PLG: variants seen among roughly 807,000 people sequenced by gnomAD.
PLG encodes the protein plasminogen, also known as plasmin.
In PLG, 41 loss-of-function variants were observed where a neutral mutation model predicts 104.4. That is an observed-to-expected ratio of 0.39 (90% confidence interval 0.31 to 0.51). The LOEUF is 0.51. Among genes scored for constraint, PLG ranks in the 20% least tolerant of loss-of-function variants. PLG has a pLI of 0.76. For missense variants in PLG, 891 were observed against 1,003.6 expected, an observed-to-expected ratio of 0.89 and a Z score of 1.52; for synonymous variants, 337 against 357.1, an observed-to-expected ratio of 0.94 and a Z score of 0.63.
At chr6:160,714,591 T>G (rs1777699582) in intron 5 of PLG, among the ~76,000 whole-genome samples, 1 of 152,218 alleles carries the variant, frequency 6.6e-6, no homozygotes, top group Non-Finnish European at 1.5e-5. Flanking sequence ...TGTTACGGTT[T>G]AAAAGGAAAA....
chr6:160,710,113 T>A (rs1582932620), intron 3 of PLG, among the ~76,000 whole-genome samples: 1 of 152,226 alleles, frequency 6.6e-6, no homozygotes, highest in African/African-American at 2.4e-5. Context: ...TTAATCAATC[T>A]GAATGTGTAA....
At position 160,731,004 on chromosome 6, in the gene PLG, GA is replaced by G; in HGVS notation, c.1257-45del. ...AATGTAGAGGGTGCTGGGTGCCCCT[GA>G]ATATTCTCCCACCTCTTGTGACCTG... On this transcript the variant is annotated intron_variant, in intron 10 of 18. Coordinates refer to ENST00000308192, the MANE Select transcript of PLG (RefSeq NM_000301.5). This position sits in a 1 kb window ranked among gnomAD's most constrained non-coding sequence, Gnocchi z 5.1. 1 of 1,590,604 alleles carries G rather than the reference GA, an allele frequency of 6.3e-7. No homozygotes were observed. Among genetic ancestry groups the G allele is most frequent in the Non-Finnish European group, 8.6e-7 (1 of 1,158,898 alleles).
In PLG at chr6:160,738,594, C is replaced by A; in HGVS notation, c.1859C>A (p.Ala620Asp). The A allele has an allele frequency of 6.2e-7, 1 of 1,605,148 alleles. No individual in the cohort carries two copies. Among genetic ancestry groups the A allele is most frequent in the Non-Finnish European group, 8.5e-7 (1 of 1,171,802 alleles). Residue 620 changes from alanine (A) to aspartate (D), a missense_variant, in exon 15 of 19, where the codon GCT becomes GAT. Physicochemically the swap from Ala to Asp is moderately radical, Grantham distance 126. Coordinates refer to ENST00000308192, the MANE Select transcript of PLG (RefSeq NM_000301.5). This position sits in a 1 kb window ranked among gnomAD's most constrained non-coding sequence, Gnocchi z 6.8. ...TLISPEWVLT[A>D]AHCLEKSPRP... ...ATATCCCCAGAGTGGGTGTTGACTG[C>A]TGCCCACTGCTTGGAGAAGTATGTT...
intron 17 of PLG, among the ~76,000 whole-genome samples, chr6:160,746,553 A>G (rs1778280787): frequency 6.6e-6 from 1 of 152,102 alleles, no homozygotes; most frequent in Non-Finnish European, 1.5e-5. Context: ...GTGATCCTCA[A>G]TTTCCTTGGA....
intron 2 of PLG, among the ~76,000 whole-genome samples, chr6:160,707,208 C>T (rs1337726279): frequency 5.3e-5 from 8 of 151,870 alleles, no homozygotes; most frequent in South Asian, 2.1e-4. Context: ...GTGTAGGTGA[C>T]GGGCTTGGGA....
chr6:160,746,102 T>C (rs1213764110), intron 17 of PLG, among the ~76,000 whole-genome samples: 1 of 152,220 alleles, frequency 6.6e-6, no homozygotes, highest in Non-Finnish European at 1.5e-5. Flanking sequence ...TGATTATGTG[T>C]CTTGAGGATG....
At chr6:160,710,151 T>C (rs1777613161) in intron 3 of PLG, among the ~76,000 whole-genome samples, 1 of 152,248 alleles carries the variant, frequency 6.6e-6, no homozygotes, top group Non-Finnish European at 1.5e-5. Context: ...GAATTCCTCC[T>C]CAAGCTTTAT....
In PLG at chr6:160,736,950, T is replaced by C. The variant is rs1778095001; in HGVS notation, c.1745T>C (p.Val582Ala). The C allele has an allele frequency of 8.7e-6, 14 of 1,613,998 alleles. No individual in the cohort carries two copies. Among genetic ancestry groups the C allele is most frequent in the Non-Finnish European group, 1.2e-5 (14 of 1,179,940 alleles). The change falls in exon 14 of 19, where the codon GTA becomes GCA. Residue 582 changes from valine to alanine, a missense_variant. By Grantham distance (64) the Val-to-Ala change is moderately conservative. This residue lies in a region of PLG where 854 missense variants were observed against 932.1 expected (regional missense o/e 0.92). Transcript: ENST00000308192. The surrounding 1 kb of genome is among the most constrained non-coding windows in gnomAD (Gnocchi z 5.2). ...CCGAAGAAATGTCCTGGAAGGGTTG[T>C]AGGGGGGTGTGTGGCCCACCCACAT... is the stretch of plus-strand genomic sequence containing the variant. ...VEPKKCPGRV[V>A]GGCVAHPHSW... is the part of the protein sequence containing the mutation.
rs1411695133 is a variant in PLG, at chr6:160,724,090, C to T, written c.1256+1523C>T. 1.3e-5 allele frequency among the ~76,000 whole-genome samples: 2 copies of T among 152,072 alleles called. No individual in the cohort carries two copies. Among genetic ancestry groups the T allele is most frequent in the African/African-American group, 2.4e-5 (1 of 41,400 alleles). ...GTGTGACCTAAATTTATAACTTTAC[C>T]AGACATACAAAAAGCATTTACTGTG... On this transcript the variant is annotated intron_variant, in intron 10 of 18. Coordinates refer to ENST00000308192, the MANE Select transcript of PLG (RefSeq NM_000301.5). This position sits in a 1 kb window ranked among gnomAD's most constrained non-coding sequence, Gnocchi z 5.0.
intron 5 of PLG, 145 bp downstream of exon 5, chr6:160,713,270 T>A (rs1582934653): frequency 1.4e-6 from 1 of 719,364 alleles, no homozygotes; most frequent in Non-Finnish European, 2.4e-6. Context: ...AGAATTAACC[T>A]GAATTTTTTT....
At chr6:160,715,019 C>T (rs978431630) in intron 6 of PLG, 105 bp downstream of exon 6, 17 of 1,163,068 alleles carry the variant, frequency 1.5e-5, no homozygotes, top group Non-Finnish European at 1.8e-5. Flanking sequence ...GAAGTGAACG[C>T]CTGATGTTTT....
chr6:160,711,506 C>T (rs140952222), intron 4 of PLG: 6 of 1,475,860 alleles, frequency 4.1e-6, no homozygotes, highest in Non-Finnish European at 5.5e-6. Context: ...GATCTGGAAC[C>T]CATGGATACA....
In PLG at chr6:160,725,224, A is replaced by G. The variant is rs541618471; in HGVS notation, c.1256+2657A>G. Among the ~76,000 whole-genome samples, 20 of 152,274 alleles carry G rather than the reference A, an allele frequency of 1.3e-4. No individual in the cohort carries two copies. The highest frequency in any genetic ancestry group is 1.2e-3 in the Admixed American group (18 of 15,288). On this transcript the variant is annotated intron_variant, in intron 10 of 18. Transcript: ENST00000308192. The surrounding 1 kb of genome is among the most constrained non-coding windows in gnomAD (Gnocchi z 6.3). Reference sequence around the variant, plus strand: ...AGCGAGACTCAAAACAAACAAACAAACAAACAAACAAAAAGATAATAATTT... The same window carrying G: ...AGCGAGACTCAAAACAAACAAACAAGCAAACAAACAAAAAGATAATAATTT...
At chr6:160,750,791 T>C (rs534411972) in intron 17 of PLG, among the ~76,000 whole-genome samples, 1 of 152,174 alleles carries the variant, frequency 6.6e-6, no homozygotes, top group Admixed American at 6.5e-5. Context: ...GCAAAGAGTT[T>C]TGCAAAATTT....
rs951501150 is a variant in PLG, at chr6:160,733,525, AAATAAT to A, written c.1588-456_1588-451del. Among the ~76,000 whole-genome samples, 3 of 139,138 alleles carry A rather than the reference AAATAAT, an allele frequency of 2.2e-5. No homozygotes were observed. The East Asian group carries it at 5.8e-4, about 27-fold the overall frequency. 91.3% of individuals were successfully genotyped at this position (139,138 alleles called of 152,430 possible). A position where few individuals can be genotyped will look rare whatever the true frequency, so the allele number is the denominator to read the frequency against. ...GAGCATTCAAAAAATAACTTTGCCA[AAATAAT>A]AATAATAATAATAGAAAGGAAGAAG... On this transcript the variant is annotated intron_variant, in intron 12 of 18. Coordinates refer to ENST00000308192, the MANE Select transcript of PLG (RefSeq NM_000301.5).
chr6:160,724,641 G>A lies in PLG; in HGVS notation c.1256+2074G>A, dbSNP rs1025213706. Among the ~76,000 whole-genome samples the A allele has an allele frequency of 1.5e-4, 23 of 152,174 alleles. No individual in the cohort carries two copies. The highest frequency in any genetic ancestry group is 5.1e-4 in the African/African-American group (21 of 41,532). Reference sequence around the variant, plus strand: ...TGGTAAAAATGACTGATGCCTTCTCGTCAGAAACTATGCTGGTCAGAAACA... The same window carrying A: ...TGGTAAAAATGACTGATGCCTTCTCATCAGAAACTATGCTGGTCAGAAACA... On this transcript the variant is annotated intron_variant, in intron 10 of 18. Transcript: ENST00000308192. The surrounding 1 kb of genome is among the most constrained non-coding windows in gnomAD (Gnocchi z 5.0).
rs1778122382 is a variant in PLG at position 160,738,293 on chromosome 6, T to G, written c.1803-245T>G. The G allele has an allele frequency of 1.9e-6, 1 of 514,442 alleles. No individual in the cohort carries two copies. The highest frequency in any genetic ancestry group is 3.6e-6 in the Non-Finnish European group (1 of 280,362). The allele number at this position is 514,442 out of a possible 1,614,324, so 31.9% of individuals were successfully genotyped here. On this transcript the variant is annotated intron_variant, in intron 14 of 18. Coordinates refer to ENST00000308192, the MANE Select transcript of PLG (RefSeq NM_000301.5). This position sits in a 1 kb window ranked among gnomAD's most constrained non-coding sequence, Gnocchi z 6.8. ...GGAGTTACTTAGCTTTGCTCTCCTG[T>G]GGACAGGCCATGCCTGTGCCTCCCC...
chr6:160,713,554 C>T (rs1777681233), intron 5 of PLG, among the ~76,000 whole-genome samples: 1 of 152,180 alleles, frequency 6.6e-6, no homozygotes, highest in Admixed American at 6.5e-5. Flanking sequence ...CAGGCATGAG[C>T]CACCATGCCC....
At chr6:160,717,035 T>A (rs1777743289) in intron 7 of PLG, among the ~76,000 whole-genome samples, 1 of 152,216 alleles carries the variant, frequency 6.6e-6, no homozygotes, top group South Asian at 2.1e-4. Flanking sequence ...GCTTTAGGTG[T>A]TGTTCATCCT....
Sources: gnomAD v4.1 joint callset for allele counts (sites outside exome capture counted in the v4.1 genomes callset) on GRCh38, gnomAD v4.1.1 for gene constraint, gnomAD v4.1.1 regional missense constraint, Gnocchi (gnomAD v3.1) non-coding constraint, MANE v1.5 for transcripts, NCBI Gene and HGNC (gene_info 2026-07-23, HGNC 2026-07-21) for gene names.